The following STIMATE variants were observed in gnomAD, a reference collection of about 807,000 sequenced individuals.
STIMATE encodes store-operated calcium entry regulator STIMATE.
A neutral mutation model predicts 36.7 loss-of-function variants in STIMATE; 15 were observed. The ratio of observed to expected loss-of-function variants is 0.41; its 90% confidence interval spans 0.27 to 0.63. The LOEUF (loss-of-function observed/expected upper bound fraction) is 0.63, where lower values mean the gene tolerates loss of function less well. Among genes scored for constraint, STIMATE ranks in the 20% least tolerant of loss-of-function variants. The pLI is 0.32. For missense variants in STIMATE, 305 were observed against 397.3 expected (o/e 0.77, Z 1.98); for synonymous variants, 163 against 162.3 (o/e 1.00, Z -0.03).
chr3:52,862,922 G>C (rs944028938), intron 1 of STIMATE, among the ~76,000 whole-genome samples: 2 of 152,212 alleles, frequency 1.3e-5, no homozygotes, highest in East Asian at 1.9e-4. Context: ...TGTGAAGATG[G>C]AAGCAGAGAA....
At chr3:52,870,584 C>T (rs1701384907) in intron 1 of STIMATE, among the ~76,000 whole-genome samples, 1 of 152,128 alleles carries the variant, frequency 6.6e-6, no homozygotes, top group Non-Finnish European at 1.5e-5. Flanking sequence ...GGCCTGCCAT[C>T]CTCTGCCCAG....
Position 52,837,739 on chromosome 3 carries a change from C to T in STIMATE, c.*2755G>A, listed in dbSNP as rs1482824612. 1 of 152,250 alleles carries T rather than the reference C, an allele frequency of 6.6e-6. No homozygotes were observed. Among genetic ancestry groups the T allele is most frequent in the Non-Finnish European group, 1.5e-5 (1 of 68,042 alleles). 9.4% of individuals were successfully genotyped at this position (152,250 alleles called of 1,614,324 possible). On this transcript the variant is annotated 3_prime_UTR_variant, in exon 8 of 8. Transcript: ENST00000355083. ...TTGGACAAATCAGATTCATAGCACA[C>T]AATATCCAGCCAACGTCCCACCATT...
intron 1 of STIMATE, among the ~76,000 whole-genome samples, chr3:52,860,832 A>T (rs1206752930): frequency 1.3e-5 from 2 of 152,108 alleles, no homozygotes; most frequent in African/African-American, 4.8e-5. Flanking sequence ...GGGAGTTTAC[A>T]CTGTTCCACG....
chr3:52,891,974 G>A (rs1309741097), intron 1 of STIMATE, among the ~76,000 whole-genome samples: 4 of 152,166 alleles, frequency 2.6e-5, no homozygotes, highest in African/African-American at 7.2e-5. Flanking sequence ...GGAGAAAACT[G>A]AAGCTTTGAG....
chr3:52,869,983 G>C (rs1192185428), intron 1 of STIMATE, among the ~76,000 whole-genome samples: 4 of 152,236 alleles, frequency 2.6e-5, no homozygotes, highest in African/African-American at 9.6e-5. Context: ...TACTTGGCAA[G>C]CACCATGCAC....
At chr3:52,843,158 G>A (rs1462221665) in intron 6 of STIMATE, 198 bp from the exon 7 acceptor site, 3 of 1,074,932 alleles carry the variant, frequency 2.8e-6, no homozygotes, top group Non-Finnish European at 3.9e-6. Flanking sequence ...TCAGTTTTCT[G>A]ATCAGAGTGT....
At chr3:52,847,292 G>A (rs1298429812) in intron 4 of STIMATE, 2 of 1,182,806 alleles carry the variant, frequency 1.7e-6, no homozygotes, top group African/African-American at 3.2e-5. Context: ...TTCCTCAGTA[G>A]AAGTCACAGC....
chr3:52,861,375 C>T (rs1701212846), intron 1 of STIMATE, among the ~76,000 whole-genome samples: 1 of 152,338 alleles, frequency 6.6e-6, no homozygotes, highest in South Asian at 2.1e-4. Context: ...CCACAGCAGG[C>T]TCCTAAGCAG....
chr3:52,861,422 G>A (rs1260060333), intron 1 of STIMATE, among the ~76,000 whole-genome samples: 2 of 152,226 alleles, frequency 1.3e-5, no homozygotes, highest in African/African-American at 2.4e-5. Context: ...CCTGAAGACA[G>A]GCATGGGTCT....
intron 1 of STIMATE, among the ~76,000 whole-genome samples, chr3:52,871,983 T>A (rs1290270018): frequency 6.6e-6 from 1 of 152,030 alleles, no homozygotes; most frequent in Non-Finnish European, 1.5e-5. Context: ...CCCCTGCCCC[T>A]CTGGCTCATG....
intron 1 of STIMATE, among the ~76,000 whole-genome samples, chr3:52,863,055 C>T (rs948850980): frequency 3.3e-5 from 5 of 152,194 alleles, no homozygotes; most frequent in Non-Finnish European, 2.9e-5. Context: ...TGACTCTGGA[C>T]TTGGGGCCTC....
chr3:52,839,908 T>G lies in STIMATE; in HGVS notation c.*586A>C, dbSNP rs1700767169. On this transcript the variant is annotated 3_prime_UTR_variant, in exon 8 of 8. Transcript: ENST00000355083. ...ACGGAAGACTTAAAAATCTCTGTTT[T>G]GCCCATTAGTCCCGTAAGTACTTTG... The G allele has an allele frequency of 6.5e-6, 1 of 152,674 alleles. No homozygotes were observed. The highest frequency in any genetic ancestry group is 1.5e-5 in the Non-Finnish European group (1 of 68,044). The allele number at this position is 152,674 out of a possible 1,614,324, so 9.5% of individuals were successfully genotyped here.
chr3:52,891,692 A>G (rs370041627), intron 1 of STIMATE, among the ~76,000 whole-genome samples: 5 of 151,304 alleles, frequency 3.3e-5, no homozygotes, highest in African/African-American at 1.2e-4. Context: ...TTTTTTTTTC[A>G]CTGCCATGCA....
intron 2 of STIMATE, 69 bp downstream of exon 2, chr3:52,855,327 C>CA: frequency 6.4e-7 from 1 of 1,567,982 alleles, no homozygotes. Flanking sequence ...CACCATACCC[C>CA]ACCCCCAGCC....
At chr3:52,890,266 G>A (rs117706149) in intron 1 of STIMATE, among the ~76,000 whole-genome samples, 1 of 152,308 alleles carries the variant, frequency 6.6e-6, no homozygotes, top group East Asian at 1.9e-4. Flanking sequence ...ATCCAATAGC[G>A]GGCTTGGCAC....
At chr3:52,885,971 T>C (rs1419117244) in intron 1 of STIMATE, among the ~76,000 whole-genome samples, 1 of 152,234 alleles carries the variant, frequency 6.6e-6, no homozygotes, top group Non-Finnish European at 1.5e-5. Flanking sequence ...GTTCTATATC[T>C]GTTACTCCTT....
chr3:52,889,507 C>A (rs1701747353), intron 1 of STIMATE, among the ~76,000 whole-genome samples: 1 of 152,234 alleles, frequency 6.6e-6, no homozygotes, highest in African/African-American at 2.4e-5. Context: ...CTAGCTCTAC[C>A]ACTTACTGGC....
At chr3:52,895,210 A>G (rs546416139) in intron 1 of STIMATE, among the ~76,000 whole-genome samples, 2 of 152,266 alleles carry the variant, frequency 1.3e-5, no homozygotes, top group East Asian at 3.9e-4. Flanking sequence ...TCGCAGTTCT[A>G]TTTCAACAGG....
chr3:52,880,419 A>T (rs1431786926), intron 1 of STIMATE, among the ~76,000 whole-genome samples: 2 of 152,266 alleles, frequency 1.3e-5, no homozygotes, highest in East Asian at 3.8e-4. Context: ...CATATTCATT[A>T]TAAGTAAAAA....
Sources: gnomAD v4.1 joint callset for allele counts (sites outside exome capture counted in the v4.1 genomes callset) on GRCh38, gnomAD v4.1.1 for gene constraint, MANE v1.5 for transcripts, NCBI Gene and HGNC (gene_info 2026-07-23, HGNC 2026-07-21) for gene names.